The following CALN1 variants were observed in gnomAD, a reference collection of about 807,000 sequenced individuals.
CALN1 encodes the protein calcium-binding protein 8.
Under a neutral mutation model 30.6 loss-of-function variants are expected in CALN1, and 17 were observed. The ratio of observed to expected loss-of-function variants is 0.56; its 90% CI spans 0.38 to 0.83. CALN1 has a LOEUF of 0.83. CALN1 is among the 40% of genes least tolerant of loss of function. The pLI is 0.00. For synonymous variants in CALN1, 156 were observed against 131.4 expected, an observed-to-expected ratio of 1.19 and a Z score of -1.28; for missense variants, 291 against 354.9, an observed-to-expected ratio of 0.82 and a Z score of 1.45.
rs1184274282 is a variant in CALN1 at position 72,137,231 on chromosome 7, A to G, written c.245-30937T>C. Among the ~76,000 whole-genome samples, 3 of 152,000 alleles carry G rather than the reference A, an allele frequency of 2.0e-5. No homozygotes were observed. The East Asian group carries it at 5.8e-4, about 29-fold the overall frequency. ...TATGTTTCTGGTCAGAGAGGGGTTTATCTTAGGGTTGGGATGTTTCTAGTT... is the reference window on the plus strand; with the variant it reads ...TATGTTTCTGGTCAGAGAGGGGTTTGTCTTAGGGTTGGGATGTTTCTAGTT... On this transcript the variant is annotated intron_variant, in intron 3 of 6. Coordinates refer to ENST00000395275, the MANE Select transcript of CALN1 (RefSeq NM_031468.4).
At chr7:72,231,914 C>T (rs1222693093) in intron 3 of CALN1, among the ~76,000 whole-genome samples, 1 of 152,148 alleles carries the variant, frequency 6.6e-6, no homozygotes, top group Non-Finnish European at 1.5e-5. Context: ...GTAAGTTGCA[C>T]TGGGGGGCAG....
chr7:72,218,895 C>T (rs1253466683), intron 3 of CALN1, among the ~76,000 whole-genome samples: 1 of 152,046 alleles, frequency 6.6e-6, no homozygotes, highest in African/African-American at 2.4e-5. Context: ...CTGATCTGGC[C>T]GGCAGGTAAA....
At chr7:72,427,345 A>G (rs1807829013) in intron 1 of CALN1, among the ~76,000 whole-genome samples, 1 of 152,036 alleles carries the variant, frequency 6.6e-6, no homozygotes, top group African/African-American at 2.4e-5. Flanking sequence ...CCATTTCCCC[A>G]ATTGTTTCAT....
intron 1 of CALN1, among the ~76,000 whole-genome samples, chr7:72,434,357 A>C (rs533642887): frequency 7.3e-5 from 11 of 151,174 alleles, no homozygotes; most frequent in East Asian, 5.8e-4. Context: ...CCAAAAAAAA[A>C]AAAAACAAAA....
At chr7:72,332,924 G>A (rs907706836) in intron 2 of CALN1, among the ~76,000 whole-genome samples, 3 of 151,974 alleles carry the variant, frequency 2.0e-5, no homozygotes, top group Non-Finnish European at 2.9e-5. Context: ...CATTCACCAC[G>A]AAGTCTCCAG....
At chr7:72,354,891 T>C (rs1585566466) in intron 2 of CALN1, among the ~76,000 whole-genome samples, 1 of 133,876 alleles carries the variant, frequency 7.5e-6, no homozygotes. Flanking sequence ...AAAAATTTCT[T>C]TTTTTTTTTC....
intron 5 of CALN1, among the ~76,000 whole-genome samples, chr7:71,823,642 T>C (rs181577319): frequency 0.011 from 1,661 of 151,932 alleles, 35 homozygotes; most frequent in African/African-American, 0.039. Flanking sequence ...TGCTTGAACC[T>C]GGGAGGTGGA....
intron 4 of CALN1, among the ~76,000 whole-genome samples, chr7:72,032,793 G>A (rs1044406865): frequency 5.3e-5 from 8 of 152,076 alleles, no homozygotes; most frequent in Non-Finnish European, 1.0e-4. Flanking sequence ...GATACAGGTC[G>A]TTCACAGAGA....
chr7:71,878,623 G>C (rs1323402876), intron 5 of CALN1, among the ~76,000 whole-genome samples: 2 of 152,146 alleles, frequency 1.3e-5, no homozygotes, highest in Non-Finnish European at 2.9e-5. Context: ...GATTTTACCT[G>C]ACATGAACAC....
chr7:72,499,768 T>A, the CALN1 span, among the ~76,000 whole-genome samples: 9 of 130,464 alleles, frequency 6.9e-5, no homozygotes, highest in South Asian at 2.8e-4. Flanking sequence ...CGCAAAACTT[T>A]CTTTCTTTCC....
intron 3 of CALN1, among the ~76,000 whole-genome samples, chr7:72,238,010 T>C (rs1419432596): frequency 1.3e-5 from 2 of 152,142 alleles, no homozygotes; most frequent in Non-Finnish European, 2.9e-5. Flanking sequence ...AAAACAGAGG[T>C]GGCATTCAGA....
intron 2 of CALN1, among the ~76,000 whole-genome samples, chr7:72,360,879 C>G (rs1267287703): frequency 1.3e-5 from 2 of 151,636 alleles, no homozygotes; most frequent in Admixed American, 6.6e-5. Context: ...CAGGTGCACA[C>G]TACCATGCCG....
rs187937369 is a variant in CALN1, at chr7:72,062,490, C to T, written c.389-38721G>A. 1.3e-3 allele frequency among the ~76,000 whole-genome samples: 158 copies of T among 124,304 alleles called. 1 individual carries two copies. The highest frequency in any genetic ancestry group is 1.4e-3 in the Non-Finnish European group (87 of 63,588). The allele number at this position is 124,304 out of a possible 152,430, so 81.5% of individuals were successfully genotyped here. On this transcript the variant is annotated intron_variant, in intron 4 of 6. Coordinates refer to ENST00000395275, the MANE Select transcript of CALN1 (RefSeq NM_031468.4). ...TCATGCCACTGCACTCAAGCCTGGA[C>T]GACAGAGTGAGACTCTATCTCAAAA...
intron 4 of CALN1, among the ~76,000 whole-genome samples, chr7:72,083,115 C>T (rs1055400378): frequency 2.6e-5 from 4 of 151,964 alleles, no homozygotes; most frequent in African/African-American, 9.7e-5. Flanking sequence ...GTGGGAGAAT[C>T]GCTTGAGCCT....
intron 6 of CALN1, 74 bp downstream of exon 6, chr7:71,810,262 G>T: frequency 1.3e-6 from 2 of 1,482,348 alleles, no homozygotes; most frequent in East Asian, 2.3e-5. Context: ...GTGTGTGAAC[G>T]CATTTTTCAT....
intron 2 of CALN1, among the ~76,000 whole-genome samples, chr7:72,326,262 G>A (rs911112153): frequency 6.6e-6 from 1 of 152,166 alleles, no homozygotes; most frequent in Non-Finnish European, 1.5e-5. Context: ...TTGCACAAAG[G>A]TTGCTTGTCT....
intron 2 of CALN1, among the ~76,000 whole-genome samples, chr7:72,302,667 G>A (rs965616009): frequency 2.6e-5 from 4 of 151,994 alleles, no homozygotes; most frequent in African/African-American, 7.3e-5. Context: ...GCCAAGGCAC[G>A]TGGATCACTT....
intron 3 of CALN1, among the ~76,000 whole-genome samples, chr7:72,270,937 A>C (rs1018097069): frequency 1.3e-5 from 2 of 152,220 alleles, no homozygotes; most frequent in Admixed American, 6.5e-5. Flanking sequence ...TAGGAAGTGG[A>C]AACTTGACCC....
In CALN1 at chr7:71,907,030, G is replaced by A. The variant is rs535794239; in HGVS notation, c.502-96538C>T. On this transcript the variant is annotated intron_variant, in intron 5 of 6. Coordinates refer to ENST00000395275, the MANE Select transcript of CALN1 (RefSeq NM_031468.4). ...GGGCCTGGTGCCATCCTGCCTTTTT[G>A]CAGCTTGCTTGCATCCACCCTGGGC... Among the ~76,000 whole-genome samples the A allele has an allele frequency of 2.0e-5, 3 of 152,220 alleles. No individual in the cohort carries two copies. The South Asian group carries it at 6.2e-4, about 32-fold the overall frequency.
Sources: allele counts gnomAD v4.1 joint callset (sites outside exome capture counted in the v4.1 genomes callset), GRCh38; gene constraint gnomAD v4.1.1; transcripts MANE v1.5; gene names NCBI Gene and HGNC (gene_info 2026-07-23, HGNC 2026-07-21).